TEKT3: variants seen among roughly 807,000 people sequenced by gnomAD.
TEKT3 encodes the protein tektin 3.
TEKT3 carries 49 observed loss-of-function variants against 49.8 expected under a neutral mutation model. The observed-to-expected ratio is 0.98, with a 90% CI of 0.78 to 1.25. The LOEUF is 1.25. TEKT3 is among the 50% of genes most tolerant of loss of function. The pLI, the probability that TEKT3 is intolerant of heterozygous loss-of-function variation, is 0.00. For synonymous variants in TEKT3, 225 were observed against 237.2 expected (o/e 0.95, Z 0.47); for missense variants, 595 against 629.5 (o/e 0.95, Z 0.59).
At chr17:15,321,361 T>A (rs1200988866) in intron 4 of TEKT3, among the ~76,000 whole-genome samples, 1 of 152,130 alleles carries the variant, frequency 6.6e-6, no homozygotes, top group African/African-American at 2.4e-5. Flanking sequence ...GAATGCCAGA[T>A]GGTTGGAGGC....
rs561785480 is a variant in TEKT3, at chr17:15,308,683, G to A, written c.1237C>T (p.Arg413Ter). ...RTRRPNIELC[R>*]DMAQLRLVNE... ...CCTTACCGTAGCTGAGCCATGTCTC[G>A]GCACAACTCAATGTTCGGCCGTCTT... is the stretch of plus-strand genomic sequence containing the variant. Residue 413 changes from arginine to a stop codon, truncating the protein, a stop_gained, in exon 8 of 9, where the codon CGA becomes TGA. Transcript: ENST00000395930. LOFTEE classifies it high-confidence loss of function. 35 of 1,609,460 alleles carry A rather than the reference G, an allele frequency of 2.2e-5. 1 individual carries two copies. Among genetic ancestry groups the A allele is most frequent in the South Asian group, 1.3e-4 (12 of 90,920 alleles).
chr17:15,341,715 G>A (rs1029247615), upstream of TEKT3: 3 of 152,316 alleles, frequency 2.0e-5, no homozygotes, highest in Non-Finnish European at 4.4e-5. Context: ...CCAGTTATAG[G>A]AGAGGCGGGA....
intron 5 of TEKT3, among the ~76,000 whole-genome samples, chr17:15,315,903 G>A (rs573104000): frequency 4.7e-4 from 72 of 152,322 alleles, no homozygotes; most frequent in Non-Finnish European, 9.4e-4. Context: ...GAGCAAAGCC[G>A]TTCACTCAGT....
At chr17:15,329,051 C>G (rs1322449323) in intron 3 of TEKT3, among the ~76,000 whole-genome samples, 3 of 152,152 alleles carry the variant, frequency 2.0e-5, no homozygotes, top group Non-Finnish European at 4.4e-5. Flanking sequence ...TATTACCAAA[C>G]TGCTTCCCAG....
intron 4 of TEKT3, among the ~76,000 whole-genome samples, chr17:15,323,904 G>A (rs1030153957): frequency 6.6e-6 from 1 of 152,154 alleles, no homozygotes; most frequent in Non-Finnish European, 1.5e-5. Context: ...TAATGCAGTG[G>A]TTCTTGTTTT....
intron 2 of TEKT3, among the ~76,000 whole-genome samples, chr17:15,332,669 G>A (rs1320902171): frequency 9.9e-5 from 15 of 152,136 alleles, no homozygotes; most frequent in Admixed American, 9.8e-4. Context: ...GAAATCCTAG[G>A]GAAGCCATGG....
chr17:15,337,287 C>G (rs968411937), intron 2 of TEKT3, among the ~76,000 whole-genome samples: 1 of 151,534 alleles, frequency 6.6e-6, no homozygotes, highest in African/African-American at 2.4e-5. Context: ...GGAGCAATAT[C>G]TAAGACTAAA....
intron 2 of TEKT3, among the ~76,000 whole-genome samples, chr17:15,336,349 T>C (rs1476371117): frequency 6.6e-6 from 1 of 152,142 alleles, no homozygotes; most frequent in Non-Finnish European, 1.5e-5. Flanking sequence ...AAGCCTCAAA[T>C]TCTATATCTA....
chr17:15,314,139 T>C lies in TEKT3; in HGVS notation c.826A>G (p.Asn276Asp). 6.2e-7 allele frequency: 1 copy of C among 1,614,232 alleles called. No individual in the cohort carries two copies. Among genetic ancestry groups the C allele is most frequent in the Non-Finnish European group, 8.5e-7 (1 of 1,180,044 alleles). ...RIDDKCHHLR[N>D]TSDGVGYFRG... ...AAGTAGCCGACACCGTCTGATGTGT[T>C]GCGCAGGTGGTGGCATTTGTCGTCG... The change falls in exon 6 of 9, where the codon AAC becomes GAC. Residue 276 changes from asparagine to aspartate, a missense_variant. By Grantham distance (23) the Asn-to-Asp change is conservative. Coordinates refer to ENST00000395930, the MANE Select transcript of TEKT3 (RefSeq NM_031898.3).
At position 15,331,135 on chromosome 17, in the gene TEKT3, T is replaced by C; in HGVS notation, c.451A>G (p.Asn151Asp). The change falls in exon 3 of 9, where the codon AAT (asparagine) becomes GAT (aspartate). Residue 151 changes from asparagine (N) to aspartate (D), a missense_variant. Asn to Asp is a conservative substitution (Grantham distance 23). Coordinates refer to ENST00000395930, the MANE Select transcript of TEKT3 (RefSeq NM_031898.3). ...TCAGATTTCCAAAACCCTATGTCAT[T>C]GACACGTTCTCCCAGATTTTGGGTT... ...DTTQNLGERV[N>D]DIGFWKSEII... 2 of 1,614,216 alleles carry C rather than the reference T, an allele frequency of 1.2e-6. No individual in the cohort carries two copies. Among genetic ancestry groups the C allele is most frequent in the Non-Finnish European group, 1.7e-6 (2 of 1,180,042 alleles).
At chr17:15,314,040 G>A (rs774026618) in intron 6 of TEKT3, 47 bp downstream of exon 6, 2 of 1,613,054 alleles carry the variant, frequency 1.2e-6, no homozygotes, top group South Asian at 2.2e-5. Flanking sequence ...AAAGGAGAAA[G>A]AGTTAAATGA....
intron 3 of TEKT3, among the ~76,000 whole-genome samples, chr17:15,329,823 C>T (rs535582757): frequency 4.1e-4 from 63 of 152,296 alleles, no homozygotes; most frequent in African/African-American, 1.5e-3. Context: ...AGCAAGTGCT[C>T]ATCACATGGG....
At chr17:15,332,404 C>G (rs973264753) in intron 2 of TEKT3, among the ~76,000 whole-genome samples, 1 of 152,170 alleles carries the variant, frequency 6.6e-6, no homozygotes, top group Admixed American at 6.5e-5. Flanking sequence ...ATTACTTAAC[C>G]TCTCTGTGCC....
At chr17:15,309,408 G>A (rs913176586) in intron 7 of TEKT3, among the ~76,000 whole-genome samples, 1 of 152,178 alleles carries the variant, frequency 6.6e-6, no homozygotes, top group African/African-American at 2.4e-5. Flanking sequence ...TTTTGTATTC[G>A]TTTTTTCTTA....
chr17:15,341,680 C>G (rs1912239669), upstream of TEKT3: 1 of 152,334 alleles, frequency 6.6e-6, no homozygotes, highest in Non-Finnish European at 1.5e-5. Flanking sequence ...GCGGCCGCCC[C>G]GGCCGGCTCG....
upstream of TEKT3, among the ~76,000 whole-genome samples, chr17:15,342,421 A>G (rs16951399): frequency 0.066 from 10,070 of 152,290 alleles, 639 homozygotes; most frequent in African/African-American, 0.17. Context: ...GTAATGCTAA[A>G]GAAAATAAAG....
chr17:15,323,957 T>C (rs900290866), intron 4 of TEKT3, among the ~76,000 whole-genome samples: 2 of 152,222 alleles, frequency 1.3e-5, no homozygotes, highest in Admixed American at 6.5e-5. Context: ...GACCATATAA[T>C]TCACTTGTTT....
chr17:15,324,023 G>A (rs1207995466), intron 4 of TEKT3, among the ~76,000 whole-genome samples: 4 of 152,178 alleles, frequency 2.6e-5, no homozygotes, highest in South Asian at 4.2e-4. Flanking sequence ...AATCATCACC[G>A]GAACCAAATT....
chr17:15,315,616 C>T (rs1910970260), intron 5 of TEKT3, among the ~76,000 whole-genome samples: 1 of 148,558 alleles, frequency 6.7e-6, no homozygotes. Context: ...GAGCTTGAGT[C>T]GTTGGAATAA....
Sources: gnomAD v4.1 joint callset for allele counts (sites outside exome capture counted in the v4.1 genomes callset) on GRCh38, gnomAD v4.1.1 for gene constraint, MANE v1.5 for transcripts, NCBI Gene and HGNC (gene_info 2026-07-23, HGNC 2026-07-21) for gene names.